The following CHRM3 variants were observed in gnomAD, a reference collection of about 807,000 sequenced individuals.
CHRM3 encodes muscarinic acetylcholine receptor M3.
A neutral mutation model predicts 41.8 loss-of-function variants in CHRM3; 11 were observed. The ratio of observed to expected loss-of-function variants is 0.26; its 90% CI spans 0.17 to 0.44. CHRM3 has a LOEUF of 0.44. CHRM3 is among the 20% of genes least tolerant of loss of function. CHRM3 has a pLI of 1.00. For missense variants in CHRM3, 571 were observed against 745.4 expected (o/e 0.77, Z 2.72); for synonymous variants, 297 against 301.4 (o/e 0.99, Z 0.15).
At chr1:239,797,278 A>G (rs1049955770) in intron 5 of CHRM3, among the ~76,000 whole-genome samples, 10 of 152,190 alleles carry the variant, frequency 6.6e-5, no homozygotes, top group African/African-American at 2.4e-4. Flanking sequence ...AATGAGTTCC[A>G]TAGAAGCCCA....
chr1:239,622,031 G>T (rs1475871190), intron 3 of CHRM3, among the ~76,000 whole-genome samples: 2 of 152,022 alleles, frequency 1.3e-5, no homozygotes, highest in Non-Finnish European at 2.9e-5. Context: ...AAATCCTAGG[G>T]CCCTGAAGAA....
rs554358648 is a variant in CHRM3, at chr1:239,710,224, A to G, written c.-147+31936A>G. On this transcript the variant is annotated intron_variant, in intron 5 of 6. Transcript: ENST00000676153. ...ACTATATCCATATTATTGAATATAT[A>G]TATATAACTGTATGCATATAGATAC... Among the ~76,000 whole-genome samples, 4 of 152,286 alleles carry G rather than the reference A, an allele frequency of 2.6e-5. No homozygotes were observed. In the South Asian group the frequency reaches 6.2e-4, roughly 24 times the overall value.
chr1:239,608,057 GT>G (rs1221073842), intron 3 of CHRM3, among the ~76,000 whole-genome samples: 1 of 152,050 alleles, frequency 6.6e-6, no homozygotes, highest in African/African-American at 2.4e-5. Flanking sequence ...TAGCAAAGTT[GT>G]TTTCATACTT....
chr1:239,470,640 A>G (rs1666051220), intron 1 of CHRM3, among the ~76,000 whole-genome samples: 1 of 152,188 alleles, frequency 6.6e-6, no homozygotes, highest in South Asian at 2.1e-4. Context: ...GTTCCATAGT[A>G]TGATTTCCTC....
At chr1:239,482,763 T>A (rs1313929870) in intron 1 of CHRM3, among the ~76,000 whole-genome samples, 1 of 152,246 alleles carries the variant, frequency 6.6e-6, no homozygotes, top group African/African-American at 2.4e-5. Context: ...TTATCCATTA[T>A]GGCCGGTACC....
chr1:239,634,510 C>T (rs536563449), intron 4 of CHRM3, among the ~76,000 whole-genome samples: 69 of 149,742 alleles, frequency 4.6e-4, no homozygotes, highest in African/African-American at 1.6e-3. Context: ...CCTATGAAAG[C>T]TGGTAAAGGA....
intron 1 of CHRM3, among the ~76,000 whole-genome samples, chr1:239,422,591 A>G (rs1662038897): frequency 6.6e-6 from 1 of 151,970 alleles, no homozygotes; most frequent in Non-Finnish European, 1.5e-5. Context: ...GTCAGGAGAT[A>G]GAGACCACCC....
At chr1:239,557,335 AT>A (rs1352965085) in intron 3 of CHRM3, among the ~76,000 whole-genome samples, 1 of 152,144 alleles carries the variant, frequency 6.6e-6, no homozygotes, top group African/African-American at 2.4e-5. Flanking sequence ...GGCAATAAAT[AT>A]TTTAATGGTC....
intron 1 of CHRM3, among the ~76,000 whole-genome samples, chr1:239,429,636 G>A (rs913408816): frequency 6.6e-6 from 1 of 152,134 alleles, no homozygotes; most frequent in African/African-American, 2.4e-5. Context: ...CATATTTTCA[G>A]TGCTTTGCTC....
chr1:239,486,059 G>A (rs1252260812), intron 1 of CHRM3, among the ~76,000 whole-genome samples: 2 of 152,152 alleles, frequency 1.3e-5, no homozygotes, highest in African/African-American at 4.8e-5. Context: ...GAAATTTGGT[G>A]TGCTCACTGT....
At chr1:239,702,993 C>T (rs912483390) in intron 5 of CHRM3, among the ~76,000 whole-genome samples, 9 of 152,226 alleles carry the variant, frequency 5.9e-5, no homozygotes, top group Admixed American at 1.3e-4. Flanking sequence ...TTCCACTCTC[C>T]CATGTCAGAT....
chr1:239,664,767 G>A (rs1396082516), intron 4 of CHRM3, among the ~76,000 whole-genome samples: 1 of 152,078 alleles, frequency 6.6e-6, no homozygotes. Flanking sequence ...TTGCACATCC[G>A]TAGTGGAGAA....
At chr1:239,602,777 T>A (rs1255399712) in intron 3 of CHRM3, among the ~76,000 whole-genome samples, 1 of 152,174 alleles carries the variant, frequency 6.6e-6, no homozygotes, top group Non-Finnish European at 1.5e-5. Flanking sequence ...TTCTTTAAAA[T>A]TTTTTTAATT....
At chr1:239,832,649 G>C (rs914688427) in intron 6 of CHRM3, among the ~76,000 whole-genome samples, 3 of 151,916 alleles carry the variant, frequency 2.0e-5, no homozygotes, top group African/African-American at 7.3e-5. Context: ...TCCATAGACA[G>C]AGTAACGCAT....
intron 1 of CHRM3, among the ~76,000 whole-genome samples, chr1:239,434,087 A>G (rs1663045487): frequency 6.6e-6 from 1 of 152,220 alleles, no homozygotes; most frequent in African/African-American, 2.4e-5. Flanking sequence ...TTAATCAAGC[A>G]TCAGTCCTCC....
At chr1:239,560,190 A>T (rs2148485363) in intron 3 of CHRM3, among the ~76,000 whole-genome samples, 1 of 152,316 alleles carries the variant, frequency 6.6e-6, no homozygotes, top group East Asian at 1.9e-4. Flanking sequence ...ATACTTTCAG[A>T]TTCTCAGTAA....
intron 1 of CHRM3, among the ~76,000 whole-genome samples, chr1:239,404,366 AAGAAAGAAAGAAAG>A (rs1660282707): frequency 1.6e-5 from 1 of 61,312 alleles, no homozygotes; most frequent in Non-Finnish European, 3.2e-5. Flanking sequence ...GAAAGAAAGA[AAGAAAGAAAGAAAG>A]AAAGAAAGAA....
chr1:239,674,404 T>C (rs1217294273), intron 4 of CHRM3, among the ~76,000 whole-genome samples: 1 of 152,102 alleles, frequency 6.6e-6, no homozygotes, highest in East Asian at 1.9e-4. Flanking sequence ...TGACCATTAG[T>C]GTGGCTTAAT....
At chr1:239,565,827 G>C (rs1558323863) in intron 3 of CHRM3, among the ~76,000 whole-genome samples, 1 of 150,986 alleles carries the variant, frequency 6.6e-6, no homozygotes, top group Non-Finnish European at 1.5e-5. Context: ...ACTTCCAATA[G>C]AGAAAATGAT....
Sources: gnomAD v4.1 joint callset for allele counts (sites outside exome capture counted in the v4.1 genomes callset) on GRCh38, gnomAD v4.1.1 for gene constraint, MANE v1.5 for transcripts, NCBI Gene and HGNC (gene_info 2026-07-23, HGNC 2026-07-21) for gene names.